TSHR: variants seen among roughly 807,000 people sequenced by gnomAD.
TSHR encodes the protein thyroid stimulating hormone receptor, also known as thyrotropin receptor.
TSHR carries 51 observed loss-of-function variants against 64.1 expected under a neutral mutation model. The observed-to-expected ratio is 0.80, with a 90% confidence interval of 0.64 to 1.01. The LOEUF is 1.01. Ranked by LOEUF, TSHR falls within the 50% of genes least tolerant of loss-of-function variation. The pLI is 0.00. For synonymous variants in TSHR, 361 were observed against 361.9 expected, an observed-to-expected ratio of 1.00 and a Z score of 0.03; for missense variants, 877 against 942.8, an observed-to-expected ratio of 0.93 and a Z score of 0.91.
intron 1 of TSHR, among the ~76,000 whole-genome samples, chr14:81,017,425 T>G (rs887060012): frequency 1.3e-5 from 2 of 151,786 alleles, no homozygotes; most frequent in Admixed American, 1.3e-4. Flanking sequence ...ATGTAAGGAG[T>G]GGAGAGAGTG....
chr14:81,024,192 A>G (rs1323038549), intron 1 of TSHR, among the ~76,000 whole-genome samples: 1 of 151,936 alleles, frequency 6.6e-6, no homozygotes, highest in Non-Finnish European at 1.5e-5. Context: ...TTAAGTTGTT[A>G]TATGACTTCA....
At position 81,009,945 on chromosome 14, in the gene TSHR, A is replaced by G. The variant is rs1889817533; in HGVS notation, c.171-52203A>G. On this transcript the variant is annotated intron_variant, in intron 1 of 9. Transcript: ENST00000298171. ...GACAAGTTAACTTCAATTTTACCAG[A>G]TAGTTCCAAATTACTCTTTGGAGTG... Among the ~76,000 whole-genome samples, 3 of 152,108 alleles carry G rather than the reference A, an allele frequency of 2.0e-5. No individual in the cohort carries two copies. The South Asian group carries it at 6.2e-4, about 31-fold the overall frequency.
intron 3 of TSHR, among the ~76,000 whole-genome samples, chr14:81,070,748 A>T (rs1887010922): frequency 1.3e-5 from 2 of 152,134 alleles, no homozygotes; most frequent in Admixed American, 6.5e-5. Flanking sequence ...CAACAGAAAG[A>T]TATTTGTGAA....
chr14:81,023,267 C>G (rs926731748), intron 1 of TSHR, among the ~76,000 whole-genome samples: 3 of 151,932 alleles, frequency 2.0e-5, no homozygotes, highest in Non-Finnish European at 2.9e-5. Context: ...AAACATCAGC[C>G]CTTTGGGGAG....
chr14:81,106,614 T>C (rs1192658010), intron 7 of TSHR, among the ~76,000 whole-genome samples: 3 of 152,116 alleles, frequency 2.0e-5, no homozygotes, highest in Non-Finnish European at 4.4e-5. Context: ...AAAATGGTAA[T>C]GGCTACTTTA....
At chr14:81,142,184 G>C (rs907663003) in intron 9 of TSHR, among the ~76,000 whole-genome samples, 1 of 152,042 alleles carries the variant, frequency 6.6e-6, no homozygotes, top group Non-Finnish European at 1.5e-5. Context: ...AGGTTTAAGC[G>C]ATTCTCCTGC....
intron 6 of TSHR, among the ~76,000 whole-genome samples, chr14:81,094,677 TA>T (rs1307971904): frequency 2.6e-5 from 3 of 113,916 alleles, no homozygotes; most frequent in Non-Finnish European, 5.0e-5. Context: ...TTTATTTTTT[TA>T]ATTTTTTTTT....
chr14:81,144,637 G>C lies in TSHR; in HGVS notation c.*284G>C, dbSNP rs762813130. The C allele has an allele frequency of 3.2e-5, 15 of 466,592 alleles. No homozygotes were observed. The highest frequency in any genetic ancestry group is 5.4e-5 in the Non-Finnish European group (14 of 259,246). 28.9% of individuals were successfully genotyped at this position (466,592 alleles called of 1,614,324 possible). ...CTTTCTTGATGCCAAGTCCAGAGATGTCATTGTGTAGGATGTTCAGTAAAT... is the reference window on the plus strand; with the variant it reads ...CTTTCTTGATGCCAAGTCCAGAGATCTCATTGTGTAGGATGTTCAGTAAAT... On this transcript the variant is annotated 3_prime_UTR_variant, in exon 10 of 10. Coordinates refer to ENST00000298171, the MANE Select transcript of TSHR (RefSeq NM_000369.5).
intron 3 of TSHR, among the ~76,000 whole-genome samples, chr14:81,073,787 A>T (rs569795894): frequency 3.3e-5 from 5 of 152,268 alleles, no homozygotes. Context: ...AGAGCAGTAC[A>T]TTAAAACCAA....
intron 1 of TSHR, among the ~76,000 whole-genome samples, chr14:81,027,057 G>A (rs978607934): frequency 4.7e-5 from 7 of 148,242 alleles, no homozygotes; most frequent in Non-Finnish European, 8.9e-5. Context: ...AAAAAAGAAA[G>A]GCCTTAATGG....
At chr14:81,054,730 T>C (rs1351625808) in intron 1 of TSHR, among the ~76,000 whole-genome samples, 1 of 152,120 alleles carries the variant, frequency 6.6e-6, no homozygotes, top group African/African-American at 2.4e-5. Flanking sequence ...ATGATTAGGG[T>C]ATATATATCT....
At chr14:81,006,537 T>C (rs1240458267) in intron 1 of TSHR, among the ~76,000 whole-genome samples, 3 of 152,036 alleles carry the variant, frequency 2.0e-5, no homozygotes, top group Non-Finnish European at 4.4e-5. Flanking sequence ...TTTTTTAATC[T>C]GAGTCTTGCT....
chr14:81,110,512 A>AGAAAATACATTTTCTGGAGAAATTT (rs1414337274), intron 8 of TSHR, among the ~76,000 whole-genome samples: 1 of 152,240 alleles, frequency 6.6e-6, no homozygotes, highest in Non-Finnish European at 1.5e-5. Context: ...CAGCCTCCAG[A>AGAAAATACATTTTCTGGAGAAATTT]ACTGTAAGAA....
At chr14:81,102,190 A>AC (rs1889630599) in intron 7 of TSHR, among the ~76,000 whole-genome samples, 1 of 151,894 alleles carries the variant, frequency 6.6e-6, no homozygotes, top group African/African-American at 2.4e-5. Context: ...AAAAAAAAAA[A>AC]AACTAAACAA....
At chr14:81,019,006 G>A (rs914690609) in intron 1 of TSHR, among the ~76,000 whole-genome samples, 2 of 152,054 alleles carry the variant, frequency 1.3e-5, no homozygotes, top group African/African-American at 2.4e-5. Flanking sequence ...AACTTGATGT[G>A]GATTGAAAGG....
chr14:81,069,793 G>C (rs1002383792), intron 3 of TSHR, among the ~76,000 whole-genome samples: 1 of 152,098 alleles, frequency 6.6e-6, no homozygotes, highest in Admixed American at 6.5e-5. Flanking sequence ...ACTCGAGTTT[G>C]TGGGGCAAAA....
intron 3 of TSHR, chr14:81,087,563 A>G (rs1326179577): frequency 3.5e-6 from 1 of 287,736 alleles, no homozygotes; most frequent in African/African-American, 2.2e-5. Context: ...CCACTCCAAC[A>G]CTCATTGTCT....
intron 1 of TSHR, chr14:80,994,905 CA>C (rs1196635101): frequency 2.0e-5 from 3 of 152,146 alleles, no homozygotes; most frequent in Non-Finnish European, 2.9e-5. Flanking sequence ...TAATGTGCTT[CA>C]ATTTACTTTG....
chr14:81,025,609 C>A (rs1884009361), intron 1 of TSHR, among the ~76,000 whole-genome samples: 3 of 152,080 alleles, frequency 2.0e-5, no homozygotes, highest in Admixed American at 2.0e-4. Context: ...ACTGGGAGCC[C>A]AGAAACTTTG....
Sources: gnomAD v4.1 joint callset for allele counts (sites outside exome capture counted in the v4.1 genomes callset) on GRCh38, gnomAD v4.1.1 for gene constraint, MANE v1.5 for transcripts, NCBI Gene and HGNC (gene_info 2026-07-23, HGNC 2026-07-21) for gene names.